The following ARL3 variants were observed in gnomAD, a reference collection of about 807,000 sequenced individuals.
ARL3 encodes the protein ADP-ribosylation factor-like protein 3.
In ARL3, 9 loss-of-function variants were observed where a neutral mutation model predicts 26.0. The ratio of observed to expected loss-of-function variants is 0.35; its 90% CI spans 0.21 to 0.60. The LOEUF is 0.60. Ranked by LOEUF, ARL3 falls within the 20% of genes least tolerant of loss-of-function variation. The pLI, the probability that ARL3 is intolerant of heterozygous loss-of-function variation, is 0.78. For synonymous variants in ARL3, 71 were observed against 78.4 expected (o/e 0.91, Z 0.50); for missense variants, 158 against 215.7 (o/e 0.73, Z 1.67).
intron 1 of ARL3, among the ~76,000 whole-genome samples, chr10:102,712,185 T>C (rs2064345785): frequency 6.6e-6 from 1 of 152,060 alleles, no homozygotes; most frequent in Admixed American, 6.6e-5. Context: ...CATATTTGGG[T>C]TTTTGCCACA....
chr10:102,712,132 A>G (rs1418991516), intron 1 of ARL3, among the ~76,000 whole-genome samples: 2 of 152,236 alleles, frequency 1.3e-5, no homozygotes, highest in East Asian at 1.9e-4. Context: ...CTGGCACTGT[A>G]AAGCAGGGGT....
At chr10:102,692,956 A>C (rs1286254214) in intron 3 of ARL3, among the ~76,000 whole-genome samples, 1 of 151,948 alleles carries the variant, frequency 6.6e-6, no homozygotes, top group Admixed American at 6.6e-5. Flanking sequence ...TTGGCCTCCC[A>C]AACTGCTGGG....
At chr10:102,686,194 C>T (rs939063692) in intron 4 of ARL3, among the ~76,000 whole-genome samples, 193 bp from the exon 5 acceptor site, 1 of 151,100 alleles carries the variant, frequency 6.6e-6, no homozygotes, top group Non-Finnish European at 1.5e-5. Context: ...GCCTCAACCT[C>T]CTGAGTAGCT....
chr10:102,700,143 G>A (rs2064271504), intron 2 of ARL3, among the ~76,000 whole-genome samples: 1 of 152,186 alleles, frequency 6.6e-6, no homozygotes, highest in Admixed American at 6.5e-5. Flanking sequence ...TGGGTGCGTA[G>A]CTCACGCCTG....
At chr10:102,690,067 C>T in intron 3 of ARL3, 124 bp from the exon 4 acceptor site, 1 of 545,224 alleles carries the variant, frequency 1.8e-6, no homozygotes, top group South Asian at 3.1e-5. Context: ...CAGAAATTGA[C>T]TGGTGAGTCT....
At chr10:102,690,211 G>A (rs2064209493) in intron 3 of ARL3, among the ~76,000 whole-genome samples, 1 of 152,008 alleles carries the variant, frequency 6.6e-6, no homozygotes. Context: ...ACATTTAATG[G>A]GCACTTGATG....
chr10:102,695,008 T>C (rs2064239464), intron 3 of ARL3, among the ~76,000 whole-genome samples: 1 of 152,206 alleles, frequency 6.6e-6, no homozygotes, highest in African/African-American at 2.4e-5. Context: ...CGTGAGCCAC[T>C]GCGCCCGGCC....
intron 2 of ARL3, 79 bp downstream of exon 2, chr10:102,705,265 CTG>C (rs1284609670): frequency 3.5e-6 from 5 of 1,434,700 alleles, no homozygotes; most frequent in South Asian, 1.6e-5. Flanking sequence ...GTGGACAAAA[CTG>C]TATTTCCCAT....
chr10:102,714,375 G>T lies in ARL3; in HGVS notation c.-100C>A. On this transcript the variant is annotated 5_prime_UTR_variant, in exon 1 of 6. In the 5' UTR this introduces an upstream ATG that the reference lacks. Coordinates refer to ENST00000260746, the MANE Select transcript of ARL3 (RefSeq NM_004311.4). The stretch of plus-strand genomic sequence containing the variant: ...GCCCCCGACGTCCCTCGCACGCACA[G>T]CTGAGGAGCTGAGCAGCAATACGGG... 8.5e-7 allele frequency: 1 copy of T among 1,182,884 alleles called. No individual in the cohort carries two copies. Among genetic ancestry groups the T allele is most frequent in the Non-Finnish European group, 1.1e-6 (1 of 925,046 alleles). The allele number at this position is 1,182,884 out of a possible 1,614,324, so 73.3% of individuals were successfully genotyped here.
At chr10:102,692,587 T>TA (rs1024833527) in intron 3 of ARL3, among the ~76,000 whole-genome samples, 3 of 152,100 alleles carry the variant, frequency 2.0e-5, no homozygotes, top group African/African-American at 7.2e-5. Context: ...GGCTAATTTT[T>TA]ATATTTTTAG....
chr10:102,699,483 TG>T lies in ARL3; in HGVS notation c.153del (p.Phe51LeufsTer13). On this transcript the variant is annotated frameshift_variant, in exon 3 of 6. Transcript: ENST00000260746. LOFTEE classifies it high-confidence loss of function. ...DISHITPTQG[F>X]NIKSVQSQGF... ...CCTTGTGATTGTACACTTTTGATGTTGAAACCCTGAAACAGGGACAAAAACA... is the reference window on the plus strand; with the variant it reads ...CCTTGTGATTGTACACTTTTGATGTTAAACCCTGAAACAGGGACAAAAACA... 2 of 1,577,074 alleles carry T rather than the reference TG, an allele frequency of 1.3e-6. No homozygotes were observed. The highest frequency in any genetic ancestry group is 1.7e-6 in the Non-Finnish European group (2 of 1,150,508).
chr10:102,685,438 A>G (rs778628324), intron 5 of ARL3, among the ~76,000 whole-genome samples: 13 of 152,174 alleles, frequency 8.5e-5, no homozygotes, highest in Middle Eastern at 3.4e-3. Context: ...TTCTAGGATG[A>G]CTAGTACGTG....
intron 1 of ARL3, among the ~76,000 whole-genome samples, chr10:102,708,230 T>A (rs1447110071): frequency 3.3e-5 from 5 of 152,246 alleles, no homozygotes; most frequent in Non-Finnish European, 7.4e-5. Context: ...CATTCCTTCT[T>A]AAAACTATAT....
chr10:102,711,883 G>A (rs561854660), intron 1 of ARL3, among the ~76,000 whole-genome samples: 21 of 152,162 alleles, frequency 1.4e-4, no homozygotes, highest in Admixed American at 3.3e-4. Context: ...GACTACCCTC[G>A]TGTTTTGTTT....
rs2064119548 is a variant in ARL3, at chr10:102,674,328, C to T, written c.*2566G>A. The stretch of plus-strand genomic sequence containing the variant: ...ATGACACCCTTGTTTCCATAGTAAC[C>T]AAGGGAGAGTGAAGGGGAAAGGGTG... On this transcript the variant is annotated 3_prime_UTR_variant, in exon 6 of 6. Transcript: ENST00000260746. The T allele has an allele frequency of 6.6e-6, 1 of 152,218 alleles. No individual in the cohort carries two copies. Among genetic ancestry groups the T allele is most frequent in the African/African-American group, 2.4e-5 (1 of 41,426 alleles). The allele number at this position is 152,218 out of a possible 1,614,324, so 9.4% of individuals were successfully genotyped here. A position where few individuals can be genotyped will look rare whatever the true frequency, so the allele number is the denominator to read the frequency against.
chr10:102,681,525 C>T (rs967047748), intron 5 of ARL3, among the ~76,000 whole-genome samples: 4 of 152,094 alleles, frequency 2.6e-5, no homozygotes, highest in African/African-American at 9.7e-5. Flanking sequence ...AGGCACGGAT[C>T]ACAGCTCGGC....
At chr10:102,704,211 T>C (rs568995379) in intron 2 of ARL3, among the ~76,000 whole-genome samples, 13 of 142,634 alleles carry the variant, frequency 9.1e-5, no homozygotes, top group African/African-American at 3.4e-4. Context: ...AATTGATACA[T>C]ATTTGTATTT....
chr10:102,701,406 T>C (rs7907703), intron 2 of ARL3, among the ~76,000 whole-genome samples: 152,071 of 152,308 alleles, frequency 1, 75,917 homozygotes, highest in East Asian at 1. Flanking sequence ...AGGACAGGAA[T>C]ATTGCCACCC....
chr10:102,708,908 A>ATATATTTTTT, intron 1 of ARL3, among the ~76,000 whole-genome samples: 994 of 95,158 alleles, frequency 0.01, 12 homozygotes, highest in East Asian at 0.028. Flanking sequence ...ATATATATAT[A>ATATATTTTTT]TTTTTTTTTT....
Sources: gnomAD v4.1 joint callset for allele counts (sites outside exome capture counted in the v4.1 genomes callset) on GRCh38, gnomAD v4.1.1 for gene constraint, MANE v1.5 for transcripts, NCBI Gene and HGNC (gene_info 2026-07-23, HGNC 2026-07-21) for gene names.